Variants in PCDH15 observed in about 807,000 individuals in gnomAD.
The protein encoded by PCDH15 is protocadherin related 15.
A neutral mutation model predicts 178.5 loss-of-function variants in PCDH15; 129 were observed. The observed-to-expected ratio is 0.72, with a 90% CI of 0.63 to 0.84. The LOEUF (loss-of-function observed/expected upper bound fraction) is 0.84. Among genes scored for constraint, PCDH15 ranks in the 40% least tolerant of loss-of-function variants. The probability of loss-of-function intolerance (pLI) is 0.00; values close to 1 mark genes in which losing one functional copy is unlikely to be tolerated. For synonymous variants in PCDH15, 800 were observed against 732.0 expected (o/e 1.09, Z -1.50); for missense variants, 2,230 against 2,099.9 (o/e 1.06, Z -1.21).
intron 8 of PCDH15, among the ~76,000 whole-genome samples, chr10:54,279,705 T>G (rs1378243169): frequency 6.6e-6 from 1 of 151,750 alleles, no homozygotes; most frequent in Non-Finnish European, 1.5e-5. Flanking sequence ...TTCTTTTAAT[T>G]ATCCCTGCCC....
At chr10:53,919,344 A>G (rs1331372197) in intron 25 of PCDH15, among the ~76,000 whole-genome samples, 1 of 152,214 alleles carries the variant, frequency 6.6e-6, no homozygotes, top group Non-Finnish European at 1.5e-5. Flanking sequence ...ATGTTCCCAA[A>G]TGACAAATTT....
intron 32 of PCDH15, chr10:53,823,473 A>C: frequency 1.0e-6 from 1 of 973,774 alleles, no homozygotes; most frequent in Non-Finnish European, 1.7e-6. Flanking sequence ...ATCAAAGGCC[A>C]AACAACACTA....
At chr10:55,368,756 C>T (rs1302115206) in intron 2 of PCDH15, among the ~76,000 whole-genome samples, 1 of 151,990 alleles carries the variant, frequency 6.6e-6, no homozygotes, top group Non-Finnish European at 1.5e-5. Flanking sequence ...CGAATAACTC[C>T]TAAGAAAATG....
intron 1 of PCDH15, among the ~76,000 whole-genome samples, chr10:54,702,041 A>G (rs996502694): frequency 2.0e-5 from 3 of 152,152 alleles, no homozygotes; most frequent in African/African-American, 4.8e-5. Context: ...TATATAATCA[A>G]CCACACAATC....
intron 16 of PCDH15, among the ~76,000 whole-genome samples, chr10:54,080,476 A>G (rs116280717): frequency 1.2e-4 from 18 of 152,244 alleles, no homozygotes; most frequent in African/African-American, 4.3e-4. Context: ...ATCTGAATAT[A>G]ATAACACATT....
intron 1 of PCDH15, among the ~76,000 whole-genome samples, chr10:54,742,077 T>A (rs1190171979): frequency 2.0e-5 from 3 of 152,100 alleles, no homozygotes; most frequent in Non-Finnish European, 4.4e-5. Context: ...TTTGTCAGAA[T>A]CTATGTGAAT....
intron 2 of PCDH15, among the ~76,000 whole-genome samples, chr10:55,626,964 GAGAA>G (rs1023452947): frequency 6.6e-5 from 10 of 152,156 alleles, no homozygotes; most frequent in Admixed American, 2.0e-4. Flanking sequence ...ATGAGAGAGA[GAGAA>G]AGAAGGAAGG....
chr10:55,601,793 G>C (rs1299867609), intron 2 of PCDH15, among the ~76,000 whole-genome samples: 11 of 152,034 alleles, frequency 7.2e-5, no homozygotes, highest in Non-Finnish European at 1.3e-4. Context: ...GAATAAGAGA[G>C]GTAGAAGAAA....
intron 1 of PCDH15, among the ~76,000 whole-genome samples, chr10:54,796,230 C>CTATCTATG: frequency 1.3e-5 from 1 of 78,670 alleles, no homozygotes; most frequent in Non-Finnish European, 2.5e-5. Flanking sequence ...CATTATCTAT[C>CTATCTATG]TATCTATCTA....
At chr10:54,366,239 T>G (rs968430485) in intron 5 of PCDH15, among the ~76,000 whole-genome samples, 1 of 152,140 alleles carries the variant, frequency 6.6e-6, no homozygotes, top group Admixed American at 6.6e-5. Flanking sequence ...ATAATGACTT[T>G]ATTATACCTG....
intron 29 of PCDH15, among the ~76,000 whole-genome samples, chr10:53,835,588 A>C (rs2077259583): frequency 6.6e-6 from 1 of 152,120 alleles, no homozygotes; most frequent in Non-Finnish European, 1.5e-5. Context: ...AGATGTGACC[A>C]TACATTGTTT....
intron 2 of PCDH15, among the ~76,000 whole-genome samples, chr10:55,445,010 G>C (rs2184373): frequency 0.77 from 116,358 of 151,938 alleles, 45,912 homozygotes; most frequent in East Asian, 0.99. Flanking sequence ...ATTAAACGGA[G>C]AAAGAAGGGA....
At chr10:55,313,232 G>T (rs1026770039) in intron 1 of PCDH15, among the ~76,000 whole-genome samples, 2 of 151,938 alleles carry the variant, frequency 1.3e-5, no homozygotes, top group Non-Finnish European at 2.9e-5. Context: ...AAACTGTTTA[G>T]AACCTTAAAA....
intron 37 of PCDH15, chr10:53,808,729 G>A: frequency 2.5e-6 from 4 of 1,613,088 alleles, no homozygotes; most frequent in Non-Finnish European, 3.4e-6. Context: ...GTTTGCTCCT[G>A]GCGACTTCTT....
intron 3 of PCDH15, among the ~76,000 whole-genome samples, chr10:54,415,640 T>A (rs977964950): frequency 6.6e-6 from 1 of 151,908 alleles, no homozygotes; most frequent in East Asian, 1.9e-4. Flanking sequence ...ATCAAAAAAA[T>A]TCAAAGATTA....
intron 2 of PCDH15, among the ~76,000 whole-genome samples, chr10:55,325,519 CAGA>C (rs1314480453): frequency 3.3e-5 from 5 of 152,044 alleles, no homozygotes; most frequent in African/African-American, 4.8e-5. Flanking sequence ...TAACTATACG[CAGA>C]AGATCAAAAC....
At chr10:54,479,085 T>C (rs538927862) in intron 3 of PCDH15, among the ~76,000 whole-genome samples, 7 of 151,904 alleles carry the variant, frequency 4.6e-5, no homozygotes, top group Non-Finnish European at 7.4e-5. Context: ...AATCTTAATA[T>C]GGTAATACGT....
At chr10:54,868,646 C>T (rs1265567986) in intron 3 of PCDH15, among the ~76,000 whole-genome samples, 1 of 152,168 alleles carries the variant, frequency 6.6e-6, no homozygotes, top group Non-Finnish European at 1.5e-5. Context: ...CTTCTTTGTA[C>T]AGCAAACATG....
chr10:53,812,987 G>T (rs2075929248), intron 35 of PCDH15, among the ~76,000 whole-genome samples: 2 of 152,284 alleles, frequency 1.3e-5, no homozygotes, highest in South Asian at 4.1e-4. Context: ...AAGACCCTCA[G>T]TTGTGCTTGG....
Sources: gnomAD v4.1 joint callset for allele counts (sites outside exome capture counted in the v4.1 genomes callset) on GRCh38, gnomAD v4.1.1 for gene constraint, MANE v1.5 for transcripts, NCBI Gene and HGNC (gene_info 2026-07-23, HGNC 2026-07-21) for gene names.